Variants in CPLANE1 observed in about 807,000 individuals in gnomAD.
CPLANE1 encodes ciliogenesis and planar polarity effector complex subunit 1, also known as ciliogenesis and planar polarity effector 1.
Under a neutral mutation model 362.5 loss-of-function variants are expected in CPLANE1, and 263 were observed. The observed-to-expected ratio is 0.73, with a 90% CI of 0.66 to 0.80. CPLANE1 has a LOEUF of 0.80. CPLANE1 is among the 30% of genes least tolerant of loss of function. The probability of loss-of-function intolerance (pLI) is 0.00; values close to 1 mark genes in which losing one functional copy is unlikely to be tolerated. For synonymous variants in CPLANE1, 1,212 were observed against 1,302.6 expected (o/e 0.93, Z 1.50); for missense variants, 3,461 against 3,793.4 (o/e 0.91, Z 2.30).
At chr5:37,205,220 A>T in intron 18 of CPLANE1, 95 bp downstream of exon 18, 1 of 723,322 alleles carries the variant, frequency 1.4e-6, no homozygotes, top group Non-Finnish European at 2.0e-6. Context: ...TTTATTTCAA[A>T]GTGTTAATAC....
chr5:37,172,549 G>T (rs1373415274), intron 32 of CPLANE1, among the ~76,000 whole-genome samples: 1 of 152,216 alleles, frequency 6.6e-6, no homozygotes, highest in Non-Finnish European at 1.5e-5. Context: ...AAAACATTAA[G>T]ATGGTAGAAT....
intron 46 of CPLANE1, among the ~76,000 whole-genome samples, chr5:37,136,733 C>T (rs920929106): frequency 2.0e-5 from 3 of 152,248 alleles, no homozygotes; most frequent in Non-Finnish European, 4.4e-5. Flanking sequence ...CTTCTATTCA[C>T]CCACAAGCTC....
intron 30 of CPLANE1, among the ~76,000 whole-genome samples, chr5:37,177,395 A>G (rs796419848): frequency 1.3e-5 from 2 of 152,370 alleles, no homozygotes; most frequent in African/African-American, 4.8e-5. Flanking sequence ...GATAGTGATG[A>G]GAGAACAAAA....
Position 37,106,776 on chromosome 5 carries a change from T to A in CPLANE1, c.*826A>T, listed in dbSNP as rs1757709104. ...AAAAGAGGGGTATTTAATAGCTTTT[T>A]CAGATGATAGTGTGCTTTTATATTA... On this transcript the variant is annotated 3_prime_UTR_variant, in exon 53 of 53. Coordinates refer to ENST00000651892, the MANE Select transcript of CPLANE1 (RefSeq NM_001384732.1). The A allele has an allele frequency of 1.1e-6, 1 of 895,852 alleles. No individual in the cohort carries two copies. The highest frequency in any genetic ancestry group is 1.8e-5 in the African/African-American group (1 of 55,424). The allele number at this position is 895,852 out of a possible 1,614,324, so 55.5% of individuals were successfully genotyped here. A position where few individuals can be genotyped will look rare whatever the true frequency, so the allele number is the denominator to read the frequency against.
intron 16 of CPLANE1, 65 bp downstream of exon 16, chr5:37,213,494 T>C: frequency 8.8e-7 from 1 of 1,140,634 alleles, no homozygotes; most frequent in Admixed American, 2.8e-5. Context: ...CTGTATAATA[T>C]GTTTTAAATA....
At chr5:37,140,010 T>C in intron 44 of CPLANE1, 1 of 950,204 alleles carries the variant, frequency 1.1e-6, no homozygotes, top group Non-Finnish European at 1.3e-6. Context: ...GAAAGTAATA[T>C]ATTTTAGAAA....
At chr5:37,247,808 T>G (rs1166222041) in intron 1 of CPLANE1, 63 bp from the exon 2 acceptor site, 13 of 1,302,422 alleles carry the variant, frequency 1.0e-5, no homozygotes, top group African/African-American at 1.5e-5. Context: ...ATTTTTTTTT[T>G]TTTTTTGAGA....
intron 14 of CPLANE1, among the ~76,000 whole-genome samples, 159 bp from the exon 15 acceptor site, chr5:37,221,647 A>AT (rs1424990788): frequency 6.6e-6 from 1 of 152,140 alleles, no homozygotes; most frequent in Non-Finnish European, 1.5e-5. Flanking sequence ...TCAATAAATG[A>AT]TTTTTTTCAC....
At chr5:37,082,965 C>T in the CPLANE1 span, among the ~76,000 whole-genome samples, 1 of 152,090 alleles carries the variant, frequency 6.6e-6, no homozygotes, top group Non-Finnish European at 1.5e-5. Flanking sequence ...AGAACAACTG[C>T]AGAACTAAAT....
Position 37,107,595 on chromosome 5 carries a change from C to T in CPLANE1, c.*7G>A, listed in dbSNP as rs758410788. The T allele has an allele frequency of 6.2e-7, 1 of 1,601,210 alleles. No homozygotes were observed. ...CCTGTGCATGGAAACCCAATGATATCCAGGTCTTACAGGTCCAGGGCCCAG... is the reference window on the plus strand; with the variant it reads ...CCTGTGCATGGAAACCCAATGATATTCAGGTCTTACAGGTCCAGGGCCCAG... On this transcript the variant is annotated 3_prime_UTR_variant, in exon 53 of 53. Transcript: ENST00000651892.
the CPLANE1 span, among the ~76,000 whole-genome samples, chr5:37,087,519 C>T: frequency 6.6e-6 from 1 of 152,174 alleles, no homozygotes; most frequent in South Asian, 2.1e-4. Flanking sequence ...TGCAGTGGCG[C>T]GATCTCGGCT....
chr5:37,206,461 C>G, intron 16 of CPLANE1, 36 bp from the exon 17 acceptor site: 2 of 1,295,720 alleles, frequency 1.5e-6, no homozygotes, highest in Non-Finnish European at 2.2e-6. Context: ...TTATTACAAT[C>G]ACATCCAAAC....
In CPLANE1 at chr5:37,114,969, A is replaced by T; in HGVS notation, c.9391T>A (p.Phe3131Ile). Reference sequence around the variant, plus strand: ...CTTCTTTATCCCTTACCTTTTTGGAAGGTAACTGGAGACTGCGTAGCCTTT... The same window carrying T: ...CTTCTTTATCCCTTACCTTTTTGGATGGTAACTGGAGACTGCGTAGCCTTT... The part of the protein sequence containing the change: ...VRKATQSPVT[F>I]QKGSNAPCHS... The change falls in exon 51 of 53, where the codon TTC (phenylalanine) becomes ATC (isoleucine). Residue 3131 changes from phenylalanine to isoleucine, a missense_variant. By Grantham distance (21) the Phe-to-Ile change is conservative. Transcript: ENST00000651892. 6.2e-7 allele frequency: 1 copy of T among 1,601,052 alleles called. No individual in the cohort carries two copies. The highest frequency in any genetic ancestry group is 8.5e-7 in the Non-Finnish European group (1 of 1,170,690).
At chr5:37,142,189 A>C (rs1769958327) in intron 44 of CPLANE1, 121 bp downstream of exon 44, 1 of 1,293,364 alleles carries the variant, frequency 7.7e-7, no homozygotes. Context: ...TCCTTCCCCT[A>C]AAATAAATAT....
intron 25 of CPLANE1, among the ~76,000 whole-genome samples, chr5:37,184,077 C>A (rs1216232847): frequency 6.6e-6 from 1 of 152,138 alleles, no homozygotes; most frequent in Admixed American, 6.6e-5. Flanking sequence ...TGATATACAA[C>A]AAAATTTAGG....
chr5:37,118,337 G>A (rs1050549137), intron 50 of CPLANE1, among the ~76,000 whole-genome samples: 3 of 149,582 alleles, frequency 2.0e-5, no homozygotes, highest in African/African-American at 7.5e-5. Context: ...AGCCTAGGAG[G>A]CAAAGGTTGC....
chr5:37,123,010 A>T (rs1335962912), intron 47 of CPLANE1, among the ~76,000 whole-genome samples: 1 of 152,246 alleles, frequency 6.6e-6, no homozygotes, highest in Non-Finnish European at 1.5e-5. Flanking sequence ...TGCACTAAAA[A>T]TGGAAAGTAG....
chr5:37,151,375 T>C (rs1440271718), intron 42 of CPLANE1, among the ~76,000 whole-genome samples: 2 of 152,236 alleles, frequency 1.3e-5, no homozygotes, highest in Non-Finnish European at 2.9e-5. Context: ...GGCATATCTA[T>C]GTGCCTCATT....
intron 19 of CPLANE1, among the ~76,000 whole-genome samples, chr5:37,201,274 T>TA (rs1789112117): frequency 1.3e-5 from 2 of 151,986 alleles, no homozygotes; most frequent in African/African-American, 4.9e-5. Context: ...GCTATATTGT[T>TA]ACAATAATTT....
Sources: gnomAD v4.1 joint callset for allele counts (sites outside exome capture counted in the v4.1 genomes callset) on GRCh38, gnomAD v4.1.1 for gene constraint, MANE v1.5 for transcripts, NCBI Gene and HGNC (gene_info 2026-07-23, HGNC 2026-07-21) for gene names.